POLA1: variants seen among roughly 807,000 people sequenced by gnomAD.
POLA1 encodes DNA polymerase alpha catalytic subunit.
Under a neutral mutation model 124.0 loss-of-function variants are expected in POLA1, and 15 were observed. The ratio of observed to expected loss-of-function variants is 0.12; its 90% CI spans 0.08 to 0.19. The LOEUF (loss-of-function observed/expected upper bound fraction) is 0.19. Among genes scored for constraint, POLA1 ranks in the 10% least tolerant of loss-of-function variants. The pLI is 1.00. For missense variants in POLA1, 886 were observed against 1,103.4 expected (o/e 0.80, Z 2.79); for synonymous variants, 408 against 389.4 (o/e 1.05, Z -0.56).
chrX:24,821,330 C>T, intron 30 of POLA1, 122 bp from the exon 31 acceptor site: 3 of 475,526 alleles, frequency 6.3e-6, no homozygotes, highest in Non-Finnish European at 9.9e-6. Context: ...TTTCTACATA[C>T]AGCTTCTGTC....
intron 4 of POLA1, among the ~76,000 whole-genome samples, chrX:24,712,188 C>T (rs1000867127): frequency 9.1e-6 from 1 of 110,420 alleles, no homozygotes; most frequent in Non-Finnish European, 1.9e-5. Context: ...TGGTTTCAAG[C>T]GATTCTCCTG....
At chrX:24,909,486 A>G (rs2047414514) in intron 35 of POLA1, among the ~76,000 whole-genome samples, 1 of 111,573 alleles carries the variant, frequency 9.0e-6, no homozygotes, top group African/African-American at 3.3e-5. Flanking sequence ...CATTTATTAA[A>G]TAGGGAATCC....
chrX:24,893,776 A>G (rs1396658196), intron 35 of POLA1, among the ~76,000 whole-genome samples: 1 of 112,282 alleles, frequency 8.9e-6, no homozygotes. Flanking sequence ...ATATGCCACA[A>G]TGTGTTTATT....
intron 34 of POLA1, among the ~76,000 whole-genome samples, chrX:24,873,250 A>G (rs763737286): frequency 1.8e-5 from 2 of 111,955 alleles, no homozygotes; most frequent in Admixed American, 1.9e-4. Flanking sequence ...GAGCACTCTC[A>G]TACACTGTTG....
chrX:24,702,386 A>G (rs1430479834), intron 2 of POLA1, among the ~76,000 whole-genome samples: 1 of 112,805 alleles, frequency 8.9e-6, no homozygotes, highest in Non-Finnish European at 1.9e-5. Flanking sequence ...ATTTTTAATA[A>G]GTATCTATGA....
rs1411954470 is a variant in POLA1 at position 24,693,983 on chromosome X, G to A, written c.22G>A (p.Asp8Asn). Residue 8 changes from aspartate to asparagine, a missense_variant, in exon 1 of 37, where the codon GAC becomes AAC. This residue lies in a region of POLA1 where 49 missense variants were observed against 39.2 expected (regional missense o/e 1.25). Coordinates refer to ENST00000379068, the MANE Select transcript of POLA1 (RefSeq NM_001330360.2). ...GACCATGGCACCTGTGCACGGCGAC[G>A]ACTGTGAGATAGGGGCGAGTGGTGA... MAPVHGD[D>N]CEIGASALSD... is the part of the protein sequence containing the mutation. 5 of 1,192,973 alleles carry A rather than the reference G, an allele frequency of 4.2e-6. No individual in the cohort carries two copies. The highest frequency in any genetic ancestry group is 5.6e-6 in the Non-Finnish European group (5 of 886,051).
chrX:24,717,748 C>T lies in POLA1; in HGVS notation c.1077C>T (p.Tyr359=). 5.1e-6 allele frequency: 6 copies of T among 1,186,254 alleles called. No individual in the cohort carries two copies. Among genetic ancestry groups the T allele is most frequent in the Middle Eastern group, 2.3e-4 (1 of 4,257 alleles). ...GGTTGGATGCTTATGAGGATCAGTA[C>T]AACCAACCAGGTAATCATATATAAG... ...FYWLDAYEDQ[Y]NQPGVVFLFG... Residue 359 remains tyrosine (Y), a synonymous_variant, in exon 10 of 37, where the codon TAC becomes TAT. Transcript: ENST00000379068.
intron 35 of POLA1, among the ~76,000 whole-genome samples, chrX:24,914,776 C>T (rs7887866): frequency 9.1e-6 from 1 of 109,861 alleles, no homozygotes; most frequent in African/African-American, 3.3e-5. Context: ...ATTTATCCAG[C>T]GGGAGCATAG....
chrX:24,782,782 A>G (rs1228771274), intron 26 of POLA1, among the ~76,000 whole-genome samples: 1 of 111,368 alleles, frequency 9.0e-6, no homozygotes, highest in Non-Finnish European at 1.9e-5. Flanking sequence ...CCCTTATTAA[A>G]TCAGTCCCCA....
chrX:24,830,571 A>T (rs764267592), intron 32 of POLA1, among the ~76,000 whole-genome samples: 2 of 112,137 alleles, frequency 1.8e-5, no homozygotes, highest in Admixed American at 1.9e-4. Context: ...ATAGGAAAAA[A>T]TATAGTATTA....
chrX:24,908,452 T>C (rs1213825056), intron 35 of POLA1, among the ~76,000 whole-genome samples: 3 of 95,904 alleles, frequency 3.1e-5, no homozygotes, highest in African/African-American at 1.2e-4. Context: ...TGTGTCCTCA[T>C]TGGTCAATTC....
At chrX:24,833,039 G>T (rs372460735) in intron 32 of POLA1, among the ~76,000 whole-genome samples, 1 of 110,936 alleles carries the variant, frequency 9.0e-6, no homozygotes, top group African/African-American at 3.3e-5. Flanking sequence ...CCACTGTGCA[G>T]TCTTTTATTT....
intron 32 of POLA1, among the ~76,000 whole-genome samples, chrX:24,840,773 T>C (rs968117833): frequency 1.8e-5 from 2 of 112,301 alleles, no homozygotes; most frequent in Non-Finnish European, 3.8e-5. Context: ...TTGTCTCTTA[T>C]AATCTTTTCT....
At chrX:24,811,065 T>G (rs2045890507) in intron 28 of POLA1, among the ~76,000 whole-genome samples, 1 of 110,991 alleles carries the variant, frequency 9.0e-6, no homozygotes, top group South Asian at 3.9e-4. Flanking sequence ...TCCTCCCGCC[T>G]CAGCCTCCCG....
rs768081184 is a variant in POLA1, at chrX:24,739,568, T to G, written c.2216+18T>G. 1.6e-5 allele frequency: 17 copies of G among 1,038,614 alleles called. No homozygotes were observed. Among genetic ancestry groups the G allele is most frequent in the Non-Finnish European group, 2.3e-5 (17 of 749,344 alleles). The allele number at this position is 1,038,614 out of a possible 1,213,427, so 85.6% of individuals were successfully genotyped here. A position where few individuals can be genotyped will look rare whatever the true frequency, so the allele number is the denominator to read the frequency against. On this transcript the variant is annotated intron_variant, in intron 20 of 36. Transcript: ENST00000379068. Reference sequence around the variant, plus strand: ...ATGTACAGGTATGATCCTAGATTCTTCAGAATTCATCTGTCTTGAAATTAA... The same window carrying G: ...ATGTACAGGTATGATCCTAGATTCTGCAGAATTCATCTGTCTTGAAATTAA...
chrX:24,980,072 G>A (rs912168928), intron 36 of POLA1, among the ~76,000 whole-genome samples: 3 of 110,951 alleles, frequency 2.7e-5, no homozygotes, highest in African/African-American at 6.6e-5. Flanking sequence ...TTTCTCTGTT[G>A]TATGCATTAA....
chrX:24,815,096 G>A lies in POLA1; in HGVS notation c.3414G>A (p.Gln1138=), dbSNP rs1416955549. The A allele has an allele frequency of 1.7e-6, 2 of 1,202,290 alleles. No individual in the cohort carries two copies. Among genetic ancestry groups the A allele is most frequent in the Admixed American group, 2.2e-5 (1 of 45,004 alleles). ...TAAATGGCAGTGTCCCAGTGAGCCAGTTTGAAATTAACAAGGTAAATGTAG... is the reference window on the plus strand; with the variant it reads ...TAAATGGCAGTGTCCCAGTGAGCCAATTTGAAATTAACAAGGTAAATGTAG... The part of the protein sequence containing the change: ...NVLNGSVPVS[Q]FEINKALTKD... The change falls in exon 30 of 37, where the codon CAG becomes CAA. Residue 1138 remains glutamine, a synonymous_variant. Coordinates refer to ENST00000379068, the MANE Select transcript of POLA1 (RefSeq NM_001330360.2).
chrX:24,871,822 G>A (rs938464075), intron 34 of POLA1, among the ~76,000 whole-genome samples: 1 of 111,689 alleles, frequency 9.0e-6, no homozygotes, highest in African/African-American at 3.3e-5. Context: ...TCTTTTAAGA[G>A]GACTAATTTC....
chrX:24,803,335 A>T (rs1001341513), intron 26 of POLA1, among the ~76,000 whole-genome samples: 2 of 111,501 alleles, frequency 1.8e-5, no homozygotes, highest in Non-Finnish European at 3.8e-5. Context: ...GATGAAATCT[A>T]GTGGGTAGGG....
Sources: allele counts gnomAD v4.1 joint callset (sites outside exome capture counted in the v4.1 genomes callset), GRCh38; gene constraint gnomAD v4.1.1; regional missense constraint gnomAD v4.1.1; transcripts MANE v1.5; gene names NCBI Gene and HGNC (gene_info 2026-07-23, HGNC 2026-07-21).